MAP2K5: variants seen among roughly 807,000 people sequenced by gnomAD.
MAP2K5 encodes dual specificity mitogen-activated protein kinase kinase 5.
MAP2K5 carries 49 observed loss-of-function variants against 83.1 expected under a neutral mutation model. The observed-to-expected ratio is 0.59, with a 90% CI of 0.47 to 0.75. The LOEUF is 0.75. Ranked by LOEUF, MAP2K5 falls within the 30% of genes least tolerant of loss-of-function variation. The probability of loss-of-function intolerance (pLI) is 0.00; values close to 1 mark genes in which losing one functional copy is unlikely to be tolerated. For missense variants in MAP2K5, 457 were observed against 557.5 expected (o/e 0.82, Z 1.82); for synonymous variants, 202 against 191.8 (o/e 1.05, Z -0.44).
chr15:67,553,919 C>CAAAAAAAAAAAAAAAA (rs71142378), intron 2 of MAP2K5, among the ~76,000 whole-genome samples: 1 of 80,102 alleles, frequency 1.2e-5, no homozygotes, highest in African/African-American at 5.1e-5. Context: ...GACTCCATCT[C>CAAAAAAAAAAAAAAAA]AAAAAAAAAA....
chr15:67,658,292 T>C (rs1214491762), intron 11 of MAP2K5, among the ~76,000 whole-genome samples: 1 of 152,164 alleles, frequency 6.6e-6, no homozygotes, highest in Non-Finnish European at 1.5e-5. Flanking sequence ...TATAGTTTCT[T>C]AGCTTGCCCT....
rs377372257 is a variant in MAP2K5, at chr15:67,769,263, G to A, written c.1135-339G>A. Among the ~76,000 whole-genome samples, 2 of 152,168 alleles carry A rather than the reference G, an allele frequency of 1.3e-5. No individual in the cohort carries two copies. The highest frequency in any genetic ancestry group is 2.9e-5 in the Non-Finnish European group (2 of 68,016). On this transcript the variant is annotated intron_variant, in intron 19 of 21. Transcript: ENST00000178640. This position sits in a 1 kb window ranked among gnomAD's most constrained non-coding sequence, Gnocchi z 5.2. ...CACAAGAATAATTTCACAGCTCTTT[G>A]TTAATTACAAGACCATTTGTGTGTT...
chr15:67,742,954 A>G (rs993624091), intron 17 of MAP2K5, among the ~76,000 whole-genome samples: 1 of 152,126 alleles, frequency 6.6e-6, no homozygotes, highest in Admixed American at 6.5e-5. Context: ...GTTTTGCTGT[A>G]CCTCAATGCT....
At chr15:67,695,776 T>C (rs1357629306) in intron 15 of MAP2K5, among the ~76,000 whole-genome samples, 2 of 152,248 alleles carry the variant, frequency 1.3e-5, no homozygotes, top group African/African-American at 2.4e-5. Context: ...TTTTTGTTTA[T>C]GGATGAATGT....
chr15:67,701,179 G>C (rs568740195), intron 15 of MAP2K5, among the ~76,000 whole-genome samples: 10 of 152,230 alleles, frequency 6.6e-5, no homozygotes, highest in African/African-American at 2.4e-4. Context: ...GGTTAGGGCA[G>C]CATTTAGTTA....
intron 12 of MAP2K5, among the ~76,000 whole-genome samples, chr15:67,662,337 C>T (rs953578592): frequency 1.3e-5 from 2 of 152,070 alleles, no homozygotes; most frequent in Admixed American, 6.6e-5. Context: ...TATTTAGCCC[C>T]TAACCTTTTC....
In MAP2K5 at chr15:67,572,590, G is replaced by T. The variant is rs2084970612; in HGVS notation, c.253-8164G>T. On this transcript the variant is annotated intron_variant, in intron 3 of 21. Transcript: ENST00000178640. This position sits in a 1 kb window ranked among gnomAD's most constrained non-coding sequence, Gnocchi z 4.2. ...TGTGCCCACCCTACGTATGATGTTTGTTTATGTATAGGATAAAAAAGGATC... is the reference window on the plus strand; with the variant it reads ...TGTGCCCACCCTACGTATGATGTTTTTTTATGTATAGGATAAAAAAGGATC... Among the ~76,000 whole-genome samples the T allele has an allele frequency of 6.6e-6, 1 of 152,130 alleles. No individual in the cohort carries two copies. Among genetic ancestry groups the T allele is most frequent in the Non-Finnish European group, 1.5e-5 (1 of 68,026 alleles).
intron 9 of MAP2K5, among the ~76,000 whole-genome samples, chr15:67,643,401 C>T (rs560256890): frequency 3.3e-5 from 5 of 152,192 alleles, no homozygotes; most frequent in Non-Finnish European, 5.9e-5. Context: ...TTTTGTATTA[C>T]ACTTACAGTC....
intron 12 of MAP2K5, 146 bp from the exon 13 acceptor site, chr15:67,664,451 T>G: frequency 1.9e-6 from 1 of 526,452 alleles, no homozygotes; most frequent in African/African-American, 2.0e-5. Context: ...CAGTGAGCAG[T>G]GATTGTACCC....
At chr15:67,716,714 G>A (rs922341720) in intron 16 of MAP2K5, among the ~76,000 whole-genome samples, 3 of 152,148 alleles carry the variant, frequency 2.0e-5, no homozygotes, top group African/African-American at 7.2e-5. Flanking sequence ...ACTGGAATCT[G>A]GGTCTTCTGA....
intron 15 of MAP2K5, among the ~76,000 whole-genome samples, chr15:67,693,827 C>T (rs1180763659): frequency 1.3e-5 from 2 of 152,116 alleles, no homozygotes; most frequent in South Asian, 2.1e-4. Context: ...TTTAATCCTA[C>T]AGAGAGATTT....
rs1211298729 is a variant in MAP2K5, at chr15:67,668,115, T to A, written c.847+3470T>A. On this transcript the variant is annotated intron_variant, in intron 13 of 21. Coordinates refer to ENST00000178640, the MANE Select transcript of MAP2K5 (RefSeq NM_145160.3). The surrounding 1 kb of genome is among the most constrained non-coding windows in gnomAD (Gnocchi z 4.0). Reference sequence around the variant, plus strand: ...CAGTCAGGTGTTACTATTGTTTATTTTGCTCTTTTTAAGATTTGGTTGAGA... The same window carrying A: ...CAGTCAGGTGTTACTATTGTTTATTATGCTCTTTTTAAGATTTGGTTGAGA... 6.6e-6 allele frequency among the ~76,000 whole-genome samples: 1 copy of A among 152,324 alleles called. No individual in the cohort carries two copies. Among genetic ancestry groups the A allele is most frequent in the East Asian group, 1.9e-4 (1 of 5,188 alleles).
chr15:67,619,713 G>A (rs1479519882), intron 8 of MAP2K5, among the ~76,000 whole-genome samples: 4 of 152,164 alleles, frequency 2.6e-5, no homozygotes, highest in African/African-American at 9.7e-5. Flanking sequence ...GATCACTTGA[G>A]GCCAGGAGTT....
In MAP2K5 at chr15:67,545,522, A is replaced by G. The variant is rs111871659; in HGVS notation, c.135+2052A>G. On this transcript the variant is annotated intron_variant, in intron 1 of 21. Coordinates refer to ENST00000178640, the MANE Select transcript of MAP2K5 (RefSeq NM_145160.3). ...AACAGGGAAACTTGTACCTTCCTCA[A>G]AGACTTGGAAAGATTATGTGAGATT... 4.2e-3 allele frequency among the ~76,000 whole-genome samples: 633 copies of G among 152,326 alleles called. 7 individuals carry two copies. The highest frequency in any genetic ancestry group is 0.014 in the African/African-American group (568 of 41,556).
rs1171026964 is a variant in MAP2K5 at position 67,780,715 on chromosome 15, C to A, written c.1242+7963C>A. 6.6e-6 allele frequency among the ~76,000 whole-genome samples: 1 copy of A among 152,100 alleles called. No individual in the cohort carries two copies. The highest frequency in any genetic ancestry group is 1.5e-5 in the Non-Finnish European group (1 of 68,012). On this transcript the variant is annotated intron_variant, in intron 21 of 21. Transcript: ENST00000178640. This position sits in a 1 kb window ranked among gnomAD's most constrained non-coding sequence, Gnocchi z 5.0. Reference sequence around the variant, plus strand: ...GTCATCTAGGTTAGAAAATTTGGTGCCAAAATAATAAAATTTCTAGGATGT... The same window carrying A: ...GTCATCTAGGTTAGAAAATTTGGTGACAAAATAATAAAATTTCTAGGATGT...
At chr15:67,607,338 C>T (rs2141037041) in intron 8 of MAP2K5, among the ~76,000 whole-genome samples, 1 of 152,274 alleles carries the variant, frequency 6.6e-6, no homozygotes, top group South Asian at 2.1e-4. Context: ...GTTTCCTTCT[C>T]TCCTTCTCTC....
At chr15:67,671,310 A>G (rs1237295090) in intron 13 of MAP2K5, among the ~76,000 whole-genome samples, 1 of 152,228 alleles carries the variant, frequency 6.6e-6, no homozygotes, top group Non-Finnish European at 1.5e-5. Flanking sequence ...AATAATGACT[A>G]TTAAGCATGT....
rs182819064 is a variant in MAP2K5, at chr15:67,724,199, A to G, written c.1045-3717A>G. The stretch of plus-strand genomic sequence containing the variant: ...CTCTCTTTTGTAAGTTTCCTAATTT[A>G]TAATACCTTGACAATAAAAACTAGG... On this transcript the variant is annotated intron_variant, in intron 16 of 21. Coordinates refer to ENST00000178640, the MANE Select transcript of MAP2K5 (RefSeq NM_145160.3). This position sits in a 1 kb window ranked among gnomAD's most constrained non-coding sequence, Gnocchi z 4.4. 3.3e-5 allele frequency among the ~76,000 whole-genome samples: 5 copies of G among 152,308 alleles called. No individual in the cohort carries two copies. In the East Asian group the frequency reaches 9.6e-4, roughly 29 times the overall value.
chr15:67,601,355 C>T (rs998801801), intron 8 of MAP2K5, among the ~76,000 whole-genome samples: 1 of 152,132 alleles, frequency 6.6e-6, no homozygotes, highest in African/African-American at 2.4e-5. Flanking sequence ...AATAGTTCTC[C>T]GACAGGGAGG....
Sources: allele counts gnomAD v4.1 joint callset (sites outside exome capture counted in the v4.1 genomes callset), GRCh38; gene constraint gnomAD v4.1.1; non-coding constraint Gnocchi (gnomAD v3.1); transcripts MANE v1.5; gene names NCBI Gene and HGNC (gene_info 2026-07-23, HGNC 2026-07-21).